The following TMOD3 variants were observed in gnomAD, a reference collection of about 807,000 sequenced individuals.
TMOD3 encodes the protein tropomodulin 3, also known as tropomodulin-3.
Under a neutral mutation model 39.2 loss-of-function variants are expected in TMOD3, and 20 were observed. That is an observed-to-expected ratio of 0.51 (90% CI 0.36 to 0.74). The LOEUF is 0.74. Among genes scored for constraint, TMOD3 ranks in the 30% least tolerant of loss-of-function variants. The pLI, the probability that TMOD3 is intolerant of heterozygous loss-of-function variation, is 0.00. For synonymous variants in TMOD3, 143 were observed against 145.8 expected (o/e 0.98, Z 0.14); for missense variants, 381 against 412.8 (o/e 0.92, Z 0.67).
intron 1 of TMOD3, among the ~76,000 whole-genome samples, chr15:51,835,440 C>T (rs908350467): frequency 7.9e-5 from 12 of 152,152 alleles, no homozygotes; most frequent in African/African-American, 2.9e-4. Context: ...GTATTAATAG[C>T]TGGGACTACA....
At chr15:51,876,247 C>T (rs2056502652) in intron 3 of TMOD3, among the ~76,000 whole-genome samples, 1 of 152,164 alleles carries the variant, frequency 6.6e-6, no homozygotes, top group Admixed American at 6.6e-5. Context: ...CAGCTCACTG[C>T]AGCCTCAAAC....
In TMOD3 at chr15:51,903,924, A is replaced by G. The variant is rs150960407; in HGVS notation, c.1024+1888A>G. 7.4e-4 allele frequency among the ~76,000 whole-genome samples: 112 copies of G among 152,358 alleles called. No individual in the cohort carries two copies. In the East Asian group the frequency reaches 0.02, roughly 27 times the overall value. On this transcript the variant is annotated intron_variant, in intron 9 of 9. Transcript: ENST00000308580. ...CCAAGTGCTCTATTGAATGTTTACT[A>G]TGTTCTCATTAGTGCGCTACACAGC...
chr15:51,839,501 G>A (rs982150352), intron 1 of TMOD3, among the ~76,000 whole-genome samples: 1 of 151,948 alleles, frequency 6.6e-6, no homozygotes, highest in Non-Finnish European at 1.5e-5. Flanking sequence ...TTATTCCTAT[G>A]ACTTGCCATT....
At chr15:51,879,050 G>A (rs1417393551) in intron 3 of TMOD3, among the ~76,000 whole-genome samples, 17 of 152,260 alleles carry the variant, frequency 1.1e-4, no homozygotes, top group Admixed American at 8.5e-4. Flanking sequence ...GAAAGGTCCT[G>A]GCAATGGAAT....
chr15:51,837,477 G>A (rs1406137445), intron 1 of TMOD3, among the ~76,000 whole-genome samples: 1 of 151,476 alleles, frequency 6.6e-6, no homozygotes, highest in Non-Finnish European at 1.5e-5. Flanking sequence ...GACCAGCTGA[G>A]GAGTTGGGGG....
chr15:51,847,166 A>T (rs1445021182), intron 1 of TMOD3, among the ~76,000 whole-genome samples: 1 of 152,184 alleles, frequency 6.6e-6, no homozygotes, highest in Non-Finnish European at 1.5e-5. Flanking sequence ...TGGTATGAAT[A>T]ACCTGTCAAG....
intron 3 of TMOD3, among the ~76,000 whole-genome samples, chr15:51,872,604 T>G (rs2056481184): frequency 6.6e-6 from 1 of 151,094 alleles, no homozygotes. Context: ...AAATTTGTTT[T>G]TTTTTTTTTT....
chr15:51,900,102 G>A, intron 7 of TMOD3, 53 bp from the exon 8 acceptor site: 1 of 1,527,982 alleles, frequency 6.5e-7, no homozygotes, highest in East Asian at 2.3e-5. Flanking sequence ...TGTACAATAT[G>A]TAGTAGGTAC....
intron 2 of TMOD3, among the ~76,000 whole-genome samples, chr15:51,866,460 C>A (rs778564305): frequency 6.6e-6 from 1 of 151,634 alleles, no homozygotes; most frequent in African/African-American, 2.4e-5. Context: ...CCTGTCTCCC[C>A]CCTACCCAAA....
intron 3 of TMOD3, among the ~76,000 whole-genome samples, chr15:51,870,290 A>G (rs1488084103): frequency 2.0e-5 from 3 of 152,294 alleles, no homozygotes; most frequent in Middle Eastern, 6.8e-3. Context: ...ATGAAACAGG[A>G]TAAGTTTTTC....
intron 1 of TMOD3, among the ~76,000 whole-genome samples, chr15:51,842,123 A>G (rs1057300214): frequency 6.6e-6 from 1 of 152,102 alleles, no homozygotes; most frequent in Non-Finnish European, 1.5e-5. Flanking sequence ...CAAAGGCTAT[A>G]TTGTGGTAGT....
At chr15:51,864,486 TG>T (rs1445406518) in intron 2 of TMOD3, among the ~76,000 whole-genome samples, 3 of 152,078 alleles carry the variant, frequency 2.0e-5, no homozygotes, top group African/African-American at 7.2e-5. Context: ...TGGTAATGGA[TG>T]ACACACACTG....
In TMOD3 at chr15:51,837,638, A is replaced by G. The variant is rs557336092; in HGVS notation, c.-75+7802A>G. Reference sequence around the variant, plus strand: ...CAGAAATGGACCAAGGCAGATGTGTAGGATTTCACCTCTGCAAGGCCTTCG... The same window carrying G: ...CAGAAATGGACCAAGGCAGATGTGTGGGATTTCACCTCTGCAAGGCCTTCG... On this transcript the variant is annotated intron_variant, in intron 1 of 9. Transcript: ENST00000308580. Among the ~76,000 whole-genome samples, 123 of 152,328 alleles carry G rather than the reference A, an allele frequency of 8.1e-4. 1 individual carries two copies. The highest frequency in any genetic ancestry group is 2.9e-3 in the African/African-American group (122 of 41,582).
chr15:51,835,557 C>T (rs2056278738), intron 1 of TMOD3, among the ~76,000 whole-genome samples: 3 of 152,196 alleles, frequency 2.0e-5, no homozygotes, highest in African/African-American at 4.8e-5. Context: ...AAACTGCTCA[C>T]CTTGGCATCC....
At chr15:51,903,738 T>G (rs970745358) in intron 9 of TMOD3, among the ~76,000 whole-genome samples, 1 of 152,204 alleles carries the variant, frequency 6.6e-6, no homozygotes, top group Non-Finnish European at 1.5e-5. Flanking sequence ...AGTAGCGTTT[T>G]AAGAGAACTT....
rs2056259083 is a variant in TMOD3 at position 51,832,203 on chromosome 15, T to TTATATATATTTATATATATATATATATA, written c.-75+2376_-75+2377insTTATATATATATATATATATATATATAT. Among the ~76,000 whole-genome samples the TTATATATATTTATATATATATATATATA allele has an allele frequency of 5.0e-5, 4 of 79,350 alleles. No homozygotes were observed. In the South Asian group the frequency reaches 1.2e-3, roughly 24 times the overall value. The allele number at this position is 79,350 out of a possible 152,430, so 52.1% of individuals were successfully genotyped here. On this transcript the variant is annotated intron_variant, in intron 1 of 9. Coordinates refer to ENST00000308580, the MANE Select transcript of TMOD3 (RefSeq NM_014547.5). ...TGTCTCTCTAAAAAAAGAAAAAAAATTATATATATATATATATATATATAT... is the reference window on the plus strand; with the variant it reads ...TGTCTCTCTAAAAAAAGAAAAAAAATTATATATATTTATATATATATATATATATATATATATATATATATATATATAT...
intron 3 of TMOD3, among the ~76,000 whole-genome samples, chr15:51,881,533 A>G: frequency 6.7e-6 from 1 of 149,256 alleles, no homozygotes; most frequent in South Asian, 2.1e-4. Context: ...TCACGGAGAT[A>G]CAATCTTTCT....
At chr15:51,867,783 AG>A (rs1325997339) in intron 2 of TMOD3, among the ~76,000 whole-genome samples, 58 of 152,338 alleles carry the variant, frequency 3.8e-4, no homozygotes, top group South Asian at 6.2e-4. Context: ...GAGACAAGGC[AG>A]TATCACCTCT....
intron 3 of TMOD3, among the ~76,000 whole-genome samples, chr15:51,883,609 T>G (rs1318203401): frequency 2.6e-5 from 4 of 152,230 alleles, no homozygotes; most frequent in Non-Finnish European, 5.9e-5. Flanking sequence ...TAGTTTTGTT[T>G]AGTCAGTGAA....
Sources: gnomAD v4.1 joint callset for allele counts (sites outside exome capture counted in the v4.1 genomes callset) on GRCh38, gnomAD v4.1.1 for gene constraint, MANE v1.5 for transcripts, NCBI Gene and HGNC (gene_info 2026-07-23, HGNC 2026-07-21) for gene names.